The following COBL variants were observed in gnomAD, a reference collection of about 807,000 sequenced individuals.
The protein encoded by COBL is protein cordon-bleu.
In COBL, 51 loss-of-function variants were observed where a neutral mutation model predicts 98.8. The ratio of observed to expected loss-of-function variants is 0.52; its 90% CI spans 0.41 to 0.65. The LOEUF (loss-of-function observed/expected upper bound fraction) is 0.65, where lower values mean the gene tolerates loss of function less well. Ranked by LOEUF, COBL falls within the 30% of genes least tolerant of loss-of-function variation. The pLI is 0.00. For synonymous variants in COBL, 634 were observed against 651.7 expected (o/e 0.97, Z 0.41); for missense variants, 1,617 against 1,617.5 (o/e 1.00, Z 0.01).
intron 6 of COBL, among the ~76,000 whole-genome samples, chr7:51,117,293 T>C (rs4948192): frequency 0.61 from 92,509 of 151,630 alleles, 28,511 homozygotes; most frequent in Middle Eastern, 0.74. Flanking sequence ...TTTTCAAATA[T>C]TTTTTTCTCT....
intron 7 of COBL, among the ~76,000 whole-genome samples, chr7:51,065,678 C>T (rs1384768642): frequency 6.6e-6 from 1 of 152,240 alleles, no homozygotes; most frequent in Non-Finnish European, 1.5e-5. Context: ...GCTCTCCAGC[C>T]TCTGTCGTCA....
intron 1 of COBL, among the ~76,000 whole-genome samples, chr7:51,302,973 C>T (rs751086456): frequency 3.9e-5 from 6 of 152,148 alleles, no homozygotes; most frequent in African/African-American, 7.2e-5. Context: ...GTCTTCCCAA[C>T]GCAATGCTGC....
rs978596702 is a variant in COBL, at chr7:51,017,249, T to A, written c.*302A>T. 5 of 544,642 alleles carry A rather than the reference T, an allele frequency of 9.2e-6. No individual in the cohort carries two copies. In the African/African-American group the frequency reaches 9.5e-5, roughly 10 times the overall value. The allele number at this position is 544,642 out of a possible 1,614,324, so 33.7% of individuals were successfully genotyped here. On this transcript the variant is annotated 3_prime_UTR_variant, in exon 13 of 13. Transcript: ENST00000265136. Reference sequence around the variant, plus strand: ...CTTTGCCCATAAATATAATTAAGTGTGAGTGCTGGGCTCCAGCATTTATAG... The same window carrying A: ...CTTTGCCCATAAATATAATTAAGTGAGAGTGCTGGGCTCCAGCATTTATAG...
intron 2 of COBL, among the ~76,000 whole-genome samples, chr7:51,203,390 A>G (rs1791342534): frequency 8.3e-6 from 1 of 121,114 alleles, no homozygotes; most frequent in African/African-American, 3.4e-5. Context: ...TGAACCCGGG[A>G]GGCGGAGCTT....
intron 6 of COBL, among the ~76,000 whole-genome samples, chr7:51,109,102 C>T: frequency 6.6e-6 from 1 of 152,206 alleles, no homozygotes; most frequent in East Asian, 1.9e-4. Context: ...TGGTCACATC[C>T]AAAGGTCCTG....
chr7:51,313,803 G>A (rs1471254831), intron 1 of COBL, among the ~76,000 whole-genome samples: 2 of 152,206 alleles, frequency 1.3e-5, no homozygotes, highest in Non-Finnish European at 2.9e-5. Flanking sequence ...ATAAAGTAGA[G>A]AGTTAAATAT....
chr7:51,043,353 C>CTA (rs781060900), intron 8 of COBL, 30 bp downstream of exon 8: 3 of 1,600,218 alleles, frequency 1.9e-6, no homozygotes, highest in Non-Finnish European at 2.6e-6. Context: ...GCTGTGACTT[C>CTA]CGTACCCACC....
At chr7:51,080,870 G>A (rs1793584773) in intron 7 of COBL, among the ~76,000 whole-genome samples, 2 of 151,762 alleles carry the variant, frequency 1.3e-5, no homozygotes, top group African/African-American at 4.8e-5. Flanking sequence ...TGGGTGGAAG[G>A]AGCACCCAGA....
intron 6 of COBL, among the ~76,000 whole-genome samples, chr7:51,129,936 A>G (rs1407574388): frequency 6.6e-6 from 1 of 152,226 alleles, no homozygotes; most frequent in African/African-American, 2.4e-5. Context: ...CATGAGCAGA[A>G]GCAGGGTCTA....
chr7:51,259,439 T>C (rs773420735), intron 1 of COBL: 2 of 502,756 alleles, frequency 4.0e-6, no homozygotes, highest in Non-Finnish European at 7.2e-6. Context: ...CTAGTTCAGC[T>C]GGTGGATGAG....
chr7:51,026,509 G>T, intron 11 of COBL, 37 bp downstream of exon 11: 1 of 1,606,972 alleles, frequency 6.2e-7, no homozygotes. Flanking sequence ...GGGTGGGTTT[G>T]AGCTCCTGGC....
At chr7:51,029,621 A>G in intron 9 of COBL, 30 bp from the exon 10 acceptor site, 1 of 1,547,872 alleles carries the variant, frequency 6.5e-7, no homozygotes, top group Non-Finnish European at 8.8e-7. Flanking sequence ...CAAATCACAG[A>G]TGTTTCCCAC....
chr7:51,218,005 T>TC (rs2129085776), intron 2 of COBL, among the ~76,000 whole-genome samples: 1 of 152,250 alleles, frequency 6.6e-6, no homozygotes, highest in South Asian at 2.1e-4. Flanking sequence ...GCCTGAGCCC[T>TC]CCTGCTATGA....
intron 2 of COBL, among the ~76,000 whole-genome samples, chr7:51,205,420 C>T (rs987175836): frequency 6.6e-6 from 1 of 151,876 alleles, no homozygotes. Context: ...GGGGAAAGTA[C>T]CATCTCTTCA....
chr7:51,238,473 C>T (rs552214912), intron 1 of COBL, among the ~76,000 whole-genome samples: 7 of 152,218 alleles, frequency 4.6e-5, no homozygotes, highest in East Asian at 3.9e-4. Flanking sequence ...GCAGCAACAC[C>T]GGGTAGAGCA....
intron 1 of COBL, among the ~76,000 whole-genome samples, chr7:51,281,622 G>T (rs1256086990): frequency 2.0e-5 from 3 of 147,344 alleles, no homozygotes; most frequent in Non-Finnish European, 4.5e-5. Context: ...GAATGAAGTC[G>T]AAACAACTTT....
intron 1 of COBL, chr7:51,259,890 CAATGCGTACAAT>C (rs1170827613): frequency 1.3e-6 from 1 of 756,234 alleles, no homozygotes; most frequent in Non-Finnish European, 2.4e-6. Flanking sequence ...TTAATCCTTT[CAATGCGTACAAT>C]AAAGGCCAAG....
intron 6 of COBL, among the ~76,000 whole-genome samples, chr7:51,134,982 G>A (rs2129005135): frequency 6.6e-6 from 1 of 150,788 alleles, no homozygotes; most frequent in South Asian, 2.1e-4. Flanking sequence ...TTATTTTTGA[G>A]ACAGAGTTTC....
rs373655109 is a variant in COBL, at chr7:51,190,825, T to C, written c.685+25A>G. 3.8e-6 allele frequency: 6 copies of C among 1,590,872 alleles called. No individual in the cohort carries two copies. In the East Asian group the frequency reaches 1.3e-4, roughly 36 times the overall value. On this transcript the variant is annotated intron_variant, in intron 4 of 12. Transcript: ENST00000265136. ...GCGCATCCGTGTGATTATGGGCAGG[T>C]GCGTGAGACGCAGCGGGGCCTCACC...
Sources: gnomAD v4.1 joint callset for allele counts (sites outside exome capture counted in the v4.1 genomes callset) on GRCh38, gnomAD v4.1.1 for gene constraint, MANE v1.5 for transcripts, NCBI Gene and HGNC (gene_info 2026-07-23, HGNC 2026-07-21) for gene names.